The following FARS2 variants were observed in gnomAD, a reference collection of about 807,000 sequenced individuals.
The protein encoded by FARS2 is phenylalanyl-tRNA synthetase 2, mitochondrial, also known as phenylalanine--tRNA ligase, mitochondrial.
In FARS2, 40 loss-of-function variants were observed where a neutral mutation model predicts 46.4. That is an observed-to-expected ratio of 0.86 (90% CI 0.67 to 1.12). The LOEUF (loss-of-function observed/expected upper bound fraction) is 1.12. FARS2 is among the 50% of genes most tolerant of loss of function. The pLI is 0.00. For synonymous variants in FARS2, 234 were observed against 214.9 expected (o/e 1.09, Z -0.78); for missense variants, 513 against 567.9 (o/e 0.90, Z 0.98).
chr6:5,296,147 T>TC, intron 1 of FARS2, among the ~76,000 whole-genome samples: 1 of 122,606 alleles, frequency 8.2e-6, no homozygotes, highest in Admixed American at 8.2e-5. Context: ...TTTTTTTTTT[T>TC]TTTTTTTTTT....
chr6:5,350,266 C>T (rs147857068), intron 1 of FARS2, among the ~76,000 whole-genome samples: 3,698 of 151,606 alleles, frequency 0.024, 152 homozygotes, highest in African/African-American at 0.085. Context: ...CCTCAGCCTC[C>T]CAAAGTGCTG....
intron 5 of FARS2, among the ~76,000 whole-genome samples, chr6:5,547,942 T>C (rs1295057487): frequency 2.6e-5 from 4 of 152,362 alleles, no homozygotes; most frequent in Middle Eastern, 3.4e-3. Context: ...ATTTTCATGC[T>C]GCTGATAAAG....
chr6:5,420,236 C>A (rs1280479011), intron 3 of FARS2, among the ~76,000 whole-genome samples: 1 of 152,158 alleles, frequency 6.6e-6, no homozygotes, highest in Non-Finnish European at 1.5e-5. Flanking sequence ...CATGGGAATT[C>A]AAGATGAGAT....
intron 4 of FARS2, among the ~76,000 whole-genome samples, chr6:5,467,774 C>T (rs761306732): frequency 2.0e-5 from 3 of 152,066 alleles, no homozygotes; most frequent in Non-Finnish European, 4.4e-5. Context: ...TGTGGTCAGA[C>T]CAAAAGATGA....
At chr6:5,346,735 T>C (rs1468466265) in intron 1 of FARS2, among the ~76,000 whole-genome samples, 2 of 151,950 alleles carry the variant, frequency 1.3e-5, no homozygotes, top group Non-Finnish European at 2.9e-5. Context: ...TGTCTATCCC[T>C]CTATCCTCCA....
intron 5 of FARS2, among the ~76,000 whole-genome samples, chr6:5,576,624 C>T (rs368204393): frequency 3.4e-5 from 2 of 58,588 alleles, no homozygotes; most frequent in Non-Finnish European, 7.8e-5. Flanking sequence ...AAGTATATAT[C>T]ATATATTAAC....
rs549994803 is a variant in FARS2 at position 5,547,954 on chromosome 6, T to C, written c.1065+2614T>C. Among the ~76,000 whole-genome samples the C allele has an allele frequency of 3.9e-5, 6 of 152,288 alleles. No homozygotes were observed. The East Asian group carries it at 5.8e-4, about 15-fold the overall frequency. On this transcript the variant is annotated intron_variant, in intron 5 of 6. Coordinates refer to ENST00000274680, the MANE Select transcript of FARS2 (RefSeq NM_006567.5). Reference sequence around the variant, plus strand: ...TCCATTTTCATGCTGCTGATAAAGATATACCCCAGACTGGGAAGAAAAAGA... The same window carrying C: ...TCCATTTTCATGCTGCTGATAAAGACATACCCCAGACTGGGAAGAAAAAGA...
intron 4 of FARS2, among the ~76,000 whole-genome samples, chr6:5,479,906 C>T (rs1053073118): frequency 6.6e-6 from 1 of 152,166 alleles, no homozygotes; most frequent in East Asian, 1.9e-4. Flanking sequence ...GCACAACCCT[C>T]TGCTCCTCAG....
intron 6 of FARS2, among the ~76,000 whole-genome samples, chr6:5,652,370 T>C (rs1777410327): frequency 6.6e-6 from 1 of 152,206 alleles, no homozygotes. Context: ...TTCGAATCTG[T>C]GCAAGTAGAA....
intron 5 of FARS2, among the ~76,000 whole-genome samples, chr6:5,602,645 CAAAAAAAAAAA>C (rs55712653): frequency 1.4e-5 from 1 of 72,174 alleles, no homozygotes; most frequent in African/African-American, 4.2e-5. Context: ...GACTCCGTCT[CAAAAAAAAAAA>C]AAAAAAAAAA....
intron 6 of FARS2, among the ~76,000 whole-genome samples, chr6:5,751,117 G>A (rs1249383382): frequency 6.6e-6 from 1 of 152,094 alleles, no homozygotes; most frequent in Non-Finnish European, 1.5e-5. Flanking sequence ...TCTTACAGAT[G>A]ATATTTTGGA....
chr6:5,638,191 T>C (rs946590164), intron 6 of FARS2, among the ~76,000 whole-genome samples: 12 of 152,214 alleles, frequency 7.9e-5, no homozygotes, highest in African/African-American at 2.4e-4. Context: ...TATGCTTGGC[T>C]CTGCTAAGTT....
At chr6:5,670,017 T>A (rs116121864) in intron 6 of FARS2, among the ~76,000 whole-genome samples, 2,236 of 152,326 alleles carry the variant, frequency 0.015, 23 homozygotes, top group Middle Eastern at 0.054. Flanking sequence ...GATTCTTGAT[T>A]TCTGTTCATA....
chr6:5,513,922 TA>T (rs879628229), intron 4 of FARS2, among the ~76,000 whole-genome samples: 58 of 146,154 alleles, frequency 4.0e-4, no homozygotes, highest in South Asian at 1.1e-3. Context: ...TTAGGTTATC[TA>T]AAAAAAAAAA....
chr6:5,518,197 C>T (rs1340885275), intron 4 of FARS2, among the ~76,000 whole-genome samples: 1 of 152,082 alleles, frequency 6.6e-6, no homozygotes, highest in Non-Finnish European at 1.5e-5. Context: ...TGAGGGGTTG[C>T]ATAAGGGCAG....
At chr6:5,692,473 C>T (rs1757810641) in intron 6 of FARS2, among the ~76,000 whole-genome samples, 1 of 152,162 alleles carries the variant, frequency 6.6e-6, no homozygotes, top group African/African-American at 2.4e-5. Context: ...TCCATCAAAA[C>T]ATTGGCTAAG....
intron 4 of FARS2, among the ~76,000 whole-genome samples, chr6:5,487,695 G>T (rs1766859561): frequency 6.6e-6 from 1 of 152,190 alleles, no homozygotes; most frequent in African/African-American, 2.4e-5. Context: ...TGCACTCACT[G>T]ACATCTGATG....
chr6:5,312,049 T>C (rs1769113717), intron 1 of FARS2, among the ~76,000 whole-genome samples: 1 of 152,186 alleles, frequency 6.6e-6, no homozygotes, highest in African/African-American at 2.4e-5. Context: ...CACATAAAGC[T>C]CCTTGATTTC....
chr6:5,470,231 A>G (rs1043162632), intron 4 of FARS2, among the ~76,000 whole-genome samples: 15 of 152,236 alleles, frequency 9.9e-5, no homozygotes, highest in African/African-American at 3.6e-4. Context: ...CAGGAAAAAA[A>G]ATGCAAGTAA....
Sources: gnomAD v4.1 joint callset for allele counts (sites outside exome capture counted in the v4.1 genomes callset) on GRCh38, gnomAD v4.1.1 for gene constraint, MANE v1.5 for transcripts, NCBI Gene and HGNC (gene_info 2026-07-23, HGNC 2026-07-21) for gene names.